The following GDAP1 variants were observed in gnomAD, a reference collection of about 807,000 sequenced individuals.
The protein encoded by GDAP1 is ganglioside induced differentiation associated protein 1.
GDAP1 carries 34 observed loss-of-function variants against 40.1 expected under a neutral mutation model. That is an observed-to-expected ratio of 0.85 (90% confidence interval 0.64 to 1.13). The LOEUF (loss-of-function observed/expected upper bound fraction) is 1.13, where lower values mean the gene tolerates loss of function less well. GDAP1 is among the 50% of genes most tolerant of loss of function. The pLI, the probability that GDAP1 is intolerant of heterozygous loss-of-function variation, is 0.00. For synonymous variants in GDAP1, 170 were observed against 157.4 expected (o/e 1.08, Z -0.60); for missense variants, 374 against 433.7 (o/e 0.86, Z 1.22).
chr8:74,370,043 T>A (rs923967258), downstream of GDAP1, among the ~76,000 whole-genome samples: 1 of 152,144 alleles, frequency 6.6e-6, no homozygotes. Context: ...AGAAGTTGGA[T>A]CCAGCAGGCC....
chr8:74,369,520 A>T (rs539981204), downstream of GDAP1, among the ~76,000 whole-genome samples: 1 of 152,294 alleles, frequency 6.6e-6, no homozygotes, highest in East Asian at 1.9e-4. Context: ...AAAGGAAGAT[A>T]AAGAAACACA....
chr8:74,456,625 C>T (rs1806338960), intron 2 of GDAP1, among the ~76,000 whole-genome samples: 1 of 151,790 alleles, frequency 6.6e-6, no homozygotes, highest in Non-Finnish European at 1.5e-5. Context: ...TAGATATGGA[C>T]AGGAGACAGA....
intron 2 of GDAP1, among the ~76,000 whole-genome samples, chr8:74,434,761 T>C (rs918973239): frequency 6.6e-6 from 1 of 152,232 alleles, no homozygotes; most frequent in Non-Finnish European, 1.5e-5. Context: ...CTCATGATAG[T>C]CCTTCAGGTG....
intron 2 of GDAP1, among the ~76,000 whole-genome samples, chr8:74,356,951 G>A (rs1264989115): frequency 2.6e-5 from 4 of 151,928 alleles, no homozygotes; most frequent in Non-Finnish European, 4.4e-5. Context: ...TCCTGACCTC[G>A]TGATCTGCCT....
At chr8:74,475,826 T>G (rs923933093) in intron 2 of GDAP1, among the ~76,000 whole-genome samples, 3 of 152,220 alleles carry the variant, frequency 2.0e-5, no homozygotes, top group African/African-American at 4.8e-5. Context: ...GTTCAGGTCC[T>G]GAATATCTTT....
intron 2 of GDAP1, among the ~76,000 whole-genome samples, chr8:74,359,781 T>C (rs1809266246): frequency 6.6e-6 from 1 of 152,140 alleles, no homozygotes; most frequent in African/African-American, 2.4e-5. Context: ...GTGTGTGTAA[T>C]GTGTTATGGA....
chr8:74,416,917 T>G lies in GDAP1; in HGVS notation c.165+65596T>G, dbSNP rs539093153. Among the ~76,000 whole-genome samples, 111 of 105,776 alleles carry G rather than the reference T, an allele frequency of 1.0e-3. 2 individuals carry two copies. Among genetic ancestry groups the G allele is most frequent in the Admixed American group, 1.5e-3 (14 of 9,068 alleles). The allele number at this position is 105,776 out of a possible 152,430, so 69.4% of individuals were successfully genotyped here. A position where few individuals can be genotyped will look rare whatever the true frequency, so the allele number is the denominator to read the frequency against. Reference sequence around the variant, plus strand: ...CTTATGAAAAGTTTTTTTTTTTGTTTTTTTGTTTTTTGTTTTTTTTTTTTT... The same window carrying G: ...CTTATGAAAAGTTTTTTTTTTTGTTGTTTTGTTTTTTGTTTTTTTTTTTTT... On this transcript the variant is annotated intron_variant, in intron 2 of 2. Transcript: ENST00000523640.
At chr8:74,415,445 A>G (rs909404016) in intron 2 of GDAP1, among the ~76,000 whole-genome samples, 2 of 150,120 alleles carry the variant, frequency 1.3e-5, no homozygotes, top group Non-Finnish European at 2.9e-5. Flanking sequence ...CCAAGAAGCA[A>G]CACAGTAGCT....
At chr8:74,448,374 A>G (rs1468755476) in intron 2 of GDAP1, among the ~76,000 whole-genome samples, 1 of 152,088 alleles carries the variant, frequency 6.6e-6, no homozygotes, top group Non-Finnish European at 1.5e-5. Context: ...ATATGCCACA[A>G]TTTGCTATCT....
chr8:74,354,330 T>C (rs1809007739), intron 2 of GDAP1, among the ~76,000 whole-genome samples: 1 of 152,166 alleles, frequency 6.6e-6, no homozygotes, highest in Non-Finnish European at 1.5e-5. Context: ...AATAAATATT[T>C]TGAATGATTA....
chr8:74,367,472 C>T (rs555897290), downstream of GDAP1, among the ~76,000 whole-genome samples: 1 of 151,956 alleles, frequency 6.6e-6, no homozygotes, highest in Admixed American at 6.6e-5. Context: ...GGCAACAATA[C>T]TGAATACTTA....
chr8:74,465,062 TACA>T (rs1182018489), intron 2 of GDAP1, among the ~76,000 whole-genome samples: 2 of 151,680 alleles, frequency 1.3e-5, no homozygotes, highest in Non-Finnish European at 2.9e-5. Context: ...TCTACTAAAA[TACA>T]ACAAGTTAGC....
intron 2 of GDAP1, among the ~76,000 whole-genome samples, chr8:74,476,013 T>C (rs1162116263): frequency 2.6e-5 from 4 of 152,234 alleles, no homozygotes; most frequent in Non-Finnish European, 5.9e-5. Flanking sequence ...TCTTGCTGAA[T>C]TGAACCCTTC....
intron 2 of GDAP1, among the ~76,000 whole-genome samples, chr8:74,378,329 AGTGGGGCC>A (rs1360923942): frequency 1.3e-5 from 2 of 152,208 alleles, no homozygotes; most frequent in Non-Finnish European, 2.9e-5. Context: ...AAATGGGAGA[AGTGGGGCC>A]AGAGTCCATG....
intron 5 of GDAP1, 61 bp from the exon 6 acceptor site, chr8:74,363,924 C>A: frequency 7.0e-7 from 1 of 1,433,876 alleles, no homozygotes; most frequent in Non-Finnish European, 9.8e-7. Context: ...CCACTGATAC[C>A]AGCTGGAGTC....
chr8:74,464,917 A>G lies in GDAP1; in HGVS notation c.166-23761A>G, dbSNP rs112530282. Among the ~76,000 whole-genome samples, 1,388 of 152,248 alleles carry G rather than the reference A, an allele frequency of 9.1e-3. 23 individuals are homozygous for G. The highest frequency in any genetic ancestry group is 0.031 in the African/African-American group (1,275 of 41,546). On this transcript the variant is annotated intron_variant, in intron 2 of 2. Coordinates refer to the GDAP1 transcript ENST00000523640. Reference sequence around the variant, plus strand: ...TTGTAAATAAGTATCTTAAATTTAAAACATCTAAACTTAAGCTGTCGGCCA... The same window carrying G: ...TTGTAAATAAGTATCTTAAATTTAAGACATCTAAACTTAAGCTGTCGGCCA...
At chr8:74,361,707 T>A (rs1809373714) in intron 3 of GDAP1, among the ~76,000 whole-genome samples, 177 bp from the exon 4 acceptor site, 1 of 152,190 alleles carries the variant, frequency 6.6e-6, no homozygotes, top group Admixed American at 6.5e-5. Flanking sequence ...CAGATACTCT[T>A]ATGGTTCCAT....
chr8:74,428,933 C>G (rs1431023089), intron 2 of GDAP1, among the ~76,000 whole-genome samples: 1 of 128,296 alleles, frequency 7.8e-6, no homozygotes, highest in African/African-American at 2.9e-5. Flanking sequence ...TCTCGTTGTT[C>G]AATTCCCACC....
At chr8:74,402,363 G>T (rs981767200) in intron 2 of GDAP1, among the ~76,000 whole-genome samples, 2 of 150,480 alleles carry the variant, frequency 1.3e-5, no homozygotes, top group Non-Finnish European at 2.9e-5. Flanking sequence ...CGAGCCAGTT[G>T]CGGGATATAA....
Sources: allele counts gnomAD v4.1 joint callset (sites outside exome capture counted in the v4.1 genomes callset), GRCh38; gene constraint gnomAD v4.1.1; transcripts MANE v1.5; gene names NCBI Gene and HGNC (gene_info 2026-07-23, HGNC 2026-07-21).